The following VEGFD variants were observed in gnomAD, a reference collection of about 807,000 sequenced individuals.
VEGFD encodes vascular endothelial growth factor D.
A neutral mutation model predicts 28.0 loss-of-function variants in VEGFD; 26 were observed. The observed-to-expected ratio is 0.93, with a 90% CI of 0.68 to 1.29. The LOEUF (loss-of-function observed/expected upper bound fraction) is 1.29. VEGFD is among the 50% of genes most tolerant of loss of function. VEGFD has a pLI of 0.00. For missense variants in VEGFD, 294 were observed against 273.4 expected, an observed-to-expected ratio of 1.08 and a Z score of -0.53; for synonymous variants, 93 against 95.5, an observed-to-expected ratio of 0.97 and a Z score of 0.15.
intron 3 of VEGFD, among the ~76,000 whole-genome samples, chrX:15,355,807 A>G (rs1253483775): frequency 8.9e-6 from 1 of 112,125 alleles, no homozygotes; most frequent in Non-Finnish European, 1.9e-5. Context: ...TGCTATAGCC[A>G]TGAAAAGAAC....
chrX:15,346,393 A>G lies in VEGFD; in HGVS notation c.939-134T>C, dbSNP rs183173390. 8.7e-5 allele frequency: 57 copies of G among 658,128 alleles called. 1 individual carries two copies. In the Admixed American group the frequency reaches 1.1e-3, roughly 12 times the overall value. The allele number at this position is 658,128 out of a possible 1,213,427, so 54.2% of individuals were successfully genotyped here. Reference sequence around the variant, plus strand: ...GTATAAAATCCTGCATGGTTATCCCACATGGATTCAAAATCTACTGAAGTG... The same window carrying G: ...GTATAAAATCCTGCATGGTTATCCCGCATGGATTCAAAATCTACTGAAGTG... On this transcript the variant is annotated intron_variant, in intron 6 of 6. Transcript: ENST00000297904.
At chrX:15,359,265 T>A (rs1922944259) in intron 2 of VEGFD, among the ~76,000 whole-genome samples, 1 of 109,510 alleles carries the variant, frequency 9.1e-6, no homozygotes, top group South Asian at 3.9e-4. Flanking sequence ...AAGATTGCAG[T>A]CTTGTTTCTA....
intron 1 of VEGFD, among the ~76,000 whole-genome samples, chrX:15,374,187 T>C (rs991838531): frequency 8.9e-6 from 1 of 112,511 alleles, no homozygotes; most frequent in African/African-American, 3.2e-5. Context: ...TATAAACATA[T>C]GCTCACCATA....
At chrX:15,380,284 C>T (rs1469556274) in intron 1 of VEGFD, among the ~76,000 whole-genome samples, 8 of 112,220 alleles carry the variant, frequency 7.1e-5, no homozygotes, top group Non-Finnish European at 1.3e-4. Context: ...ATGGAAAATA[C>T]ACCTCAGTCC....
At chrX:15,363,883 C>T (rs960342701) in intron 1 of VEGFD, among the ~76,000 whole-genome samples, 4 of 112,110 alleles carry the variant, frequency 3.6e-5, no homozygotes, top group Admixed American at 9.4e-5. Context: ...AGATTCTCTC[C>T]AAGAGTGTTT....
intron 1 of VEGFD, among the ~76,000 whole-genome samples, chrX:15,368,083 A>AAGAAAGAAAGGAAAG (rs1923215956): frequency 8.1e-5 from 8 of 99,358 alleles, no homozygotes; most frequent in South Asian, 4.8e-4. Context: ...AGAAAGAAAG[A>AAGAAAGAAAGGAAAG]AAAGAAAGAA....
intron 1 of VEGFD, among the ~76,000 whole-genome samples, chrX:15,367,874 G>A (rs1212335838): frequency 9.3e-6 from 1 of 107,175 alleles, no homozygotes; most frequent in Admixed American, 1.0e-4. Context: ...AGAATCACCT[G>A]AGCCTGGGGA....
chrX:15,353,884 G>A (rs1321342671), intron 4 of VEGFD, among the ~76,000 whole-genome samples: 3 of 111,678 alleles, frequency 2.7e-5, no homozygotes, highest in Non-Finnish European at 3.8e-5. Context: ...TTCTTAAGAA[G>A]GTATATGTTA....
In VEGFD at chrX:15,345,912, C is replaced by G; in HGVS notation, c.*221G>C. ...AACAAAAGGATTACATGGGTCCCCT[C>G]CTCTCCATTCCTTGGTGCGCAGAGG... On this transcript the variant is annotated 3_prime_UTR_variant, in exon 7 of 7. Coordinates refer to ENST00000297904, the MANE Select transcript of VEGFD (RefSeq NM_004469.5). 2.5e-6 allele frequency: 1 copy of G among 399,772 alleles called. No homozygotes were observed. The highest frequency in any genetic ancestry group is 4.3e-6 in the Non-Finnish European group (1 of 233,766). 32.9% of individuals were successfully genotyped at this position (399,772 alleles called of 1,213,427 possible).
rs1922721476 is a variant in VEGFD at position 15,351,329 on chromosome X, C to T, written c.742+1739G>A. Among the ~76,000 whole-genome samples the T allele has an allele frequency of 8.5e-5, 9 of 106,305 alleles. No individual in the cohort carries two copies. In the South Asian group the frequency reaches 3.8e-3, roughly 45 times the overall value. 92.3% of individuals were successfully genotyped at this position (106,305 alleles called of 115,157 possible). On this transcript the variant is annotated intron_variant, in intron 5 of 6. Coordinates refer to ENST00000297904, the MANE Select transcript of VEGFD (RefSeq NM_004469.5). ...AGAGACGGGGTTTCACCGTTTTAGC[C>T]AGGATGGTCTCAATCTCCTGACCTC...
At chrX:15,353,478 G>A (rs1050374116) in intron 4 of VEGFD, among the ~76,000 whole-genome samples, 3 of 112,613 alleles carry the variant, frequency 2.7e-5, no homozygotes, top group Non-Finnish European at 5.6e-5. Context: ...GGTGGCTCAC[G>A]CCTGTAATCC....
At chrX:15,350,789 T>C (rs11795727) in intron 5 of VEGFD, among the ~76,000 whole-genome samples, 2 of 103,788 alleles carry the variant, frequency 1.9e-5, no homozygotes, top group African/African-American at 3.5e-5. Context: ...TTCTCTCTCT[T>C]TCTTTTCTTT....
Position 15,346,236 on chromosome X carries a change from T to C in VEGFD, c.962A>G (p.His321Arg), listed in dbSNP as rs150253418. 1.3e-4 allele frequency: 159 copies of C among 1,208,719 alleles called. No individual in the cohort carries two copies. In the African/African-American group the frequency reaches 2.4e-3, roughly 18 times the overall value. ...TCSCEDRCPFHTRPCASGKTA... is the reference protein window; with the variant it reads ...TCSCEDRCPFRTRPCASGKTA... ...TTTGCCACTTGCACATGGTCTGGTA[T>C]GAAAGGGGCATCTGTCCTCACAGCT... Residue 321 changes from histidine to arginine, a missense_variant, in exon 7 of 7, where the codon CAT (histidine) becomes CGT (arginine). His to Arg is a conservative substitution (Grantham distance 29). Transcript: ENST00000297904.
intron 1 of VEGFD, among the ~76,000 whole-genome samples, chrX:15,372,766 G>A: frequency 8.9e-6 from 1 of 111,974 alleles, no homozygotes; most frequent in Middle Eastern, 4.6e-3. Context: ...TCAAACAGTC[G>A]ATGCATGCTC....
At chrX:15,349,297 A>C (rs138401394) in intron 5 of VEGFD, among the ~76,000 whole-genome samples, 161 of 112,976 alleles carry the variant, frequency 1.4e-3, no homozygotes, top group African/African-American at 5.1e-3. Context: ...TCAGGGAAAC[A>C]CAATCCACAA....
At chrX:15,379,670 C>G (rs991788931) in intron 1 of VEGFD, among the ~76,000 whole-genome samples, 1 of 112,029 alleles carries the variant, frequency 8.9e-6, no homozygotes, top group South Asian at 3.7e-4. Flanking sequence ...AAAAGTTGAG[C>G]CTAGAAATGT....
chrX:15,372,202 C>T (rs1452507786), intron 1 of VEGFD, among the ~76,000 whole-genome samples: 2 of 111,505 alleles, frequency 1.8e-5, no homozygotes, highest in African/African-American at 3.3e-5. Context: ...CATTGGAAAG[C>T]GCAACAAGTT....
At chrX:15,381,709 T>C (rs1432204613) in intron 1 of VEGFD, among the ~76,000 whole-genome samples, 4 of 111,455 alleles carry the variant, frequency 3.6e-5, no homozygotes, top group Admixed American at 9.5e-5. Context: ...CAATATTATA[T>C]ATCTCATTAT....
intron 1 of VEGFD, 58 bp from the exon 2 acceptor site, chrX:15,363,377 A>G: frequency 2.1e-6 from 2 of 963,231 alleles, no homozygotes; most frequent in Admixed American, 2.5e-5. Context: ...AATTTGTCAT[A>G]ATAATCTTCA....
Sources: allele counts gnomAD v4.1 joint callset (sites outside exome capture counted in the v4.1 genomes callset), GRCh38; gene constraint gnomAD v4.1.1; transcripts MANE v1.5; gene names NCBI Gene and HGNC (gene_info 2026-07-23, HGNC 2026-07-21).